COL24A1: variants seen among roughly 807,000 people sequenced by gnomAD.
COL24A1 encodes the protein collagen alpha-1(XXIV) chain.
In COL24A1, 224 loss-of-function variants were observed where a neutral mutation model predicts 253.9. That is an observed-to-expected ratio of 0.88 (90% CI 0.79 to 0.99). The LOEUF (loss-of-function observed/expected upper bound fraction) is 0.99, where lower values mean the gene tolerates loss of function less well. COL24A1 is among the 50% of genes least tolerant of loss of function. The pLI, the probability that COL24A1 is intolerant of heterozygous loss-of-function variation, is 0.00. For missense variants in COL24A1, 2,131 were observed against 2,068.5 expected (o/e 1.03, Z -0.59); for synonymous variants, 685 against 673.7 (o/e 1.02, Z -0.26).
At chr1:85,976,104 A>G (rs1342330732) in intron 20 of COL24A1, among the ~76,000 whole-genome samples, 2 of 152,226 alleles carry the variant, frequency 1.3e-5, no homozygotes, top group African/African-American at 4.8e-5. Flanking sequence ...GACTGAATGC[A>G]AACTCTCTAG....
At chr1:85,832,933 A>G (rs1296190248) in intron 43 of COL24A1, among the ~76,000 whole-genome samples, 3 of 150,890 alleles carry the variant, frequency 2.0e-5, no homozygotes, top group African/African-American at 7.3e-5. Context: ...TCTCCTGCCT[A>G]ATTGCCCTGG....
intron 7 of COL24A1, among the ~76,000 whole-genome samples, chr1:86,080,318 T>C (rs1243655206): frequency 1.3e-5 from 2 of 152,072 alleles, no homozygotes; most frequent in Non-Finnish European, 2.9e-5. Flanking sequence ...GGGAGCATAG[T>C]TAATGAGTAC....
At chr1:86,043,749 A>G (rs573811251) in intron 12 of COL24A1, among the ~76,000 whole-genome samples, 136 of 152,174 alleles carry the variant, frequency 8.9e-4, no homozygotes, top group African/African-American at 3.2e-3. Context: ...GATGGTCTCG[A>G]TCTCTTGATC....
chr1:85,911,285 G>T, intron 25 of COL24A1, 95 bp downstream of exon 25: 1 of 948,486 alleles, frequency 1.1e-6, no homozygotes, highest in Admixed American at 2.1e-5. Context: ...AGTTATAAGT[G>T]ATTTCTAATT....
In COL24A1 at chr1:86,022,955, A is replaced by T. The variant is rs766072625; in HGVS notation, c.2102T>A (p.Met701Lys). Residue 701 changes from methionine (M) to lysine (K), a missense_variant and splice_region_variant, in exon 15 of 60, where the codon ATG becomes AAG. Transcript: ENST00000370571. ...PIGPAGIPGP[M>K]GLSGNKGLPG... ...TCCATTATACAAATAGAACCATACCATTGGGCCAGGAATTCCAGCAGGTCC... is the reference window on the plus strand; with the variant it reads ...TCCATTATACAAATAGAACCATACCTTTGGGCCAGGAATTCCAGCAGGTCC... 1 of 1,613,358 alleles carries T rather than the reference A, an allele frequency of 6.2e-7. No homozygotes were observed. The highest frequency in any genetic ancestry group is 8.5e-7 in the Non-Finnish European group (1 of 1,179,532).
At chr1:86,135,716 G>A (rs1347683354) in intron 2 of COL24A1, among the ~76,000 whole-genome samples, 1 of 151,878 alleles carries the variant, frequency 6.6e-6, no homozygotes, top group Non-Finnish European at 1.5e-5. Flanking sequence ...ACTTTTCCCT[G>A]AGTTCTTTCA....
At chr1:86,085,698 G>A (rs920173089) in intron 7 of COL24A1, among the ~76,000 whole-genome samples, 12 of 152,036 alleles carry the variant, frequency 7.9e-5, no homozygotes, top group African/African-American at 2.7e-4. Flanking sequence ...CTGTTTTTTG[G>A]CAAAAATTCA....
intron 2 of COL24A1, among the ~76,000 whole-genome samples, chr1:86,127,483 T>A (rs964194432): frequency 4.6e-5 from 7 of 152,044 alleles, no homozygotes; most frequent in Non-Finnish European, 1.0e-4. Context: ...TCTGACCAGG[T>A]CTCATATTCA....
intron 43 of COL24A1, among the ~76,000 whole-genome samples, chr1:85,833,369 T>C (rs1406747796): frequency 6.6e-6 from 1 of 152,170 alleles, no homozygotes; most frequent in African/African-American, 2.4e-5. Context: ...GACAAAATGC[T>C]CATCATCACT....
At chr1:86,088,774 G>T (rs1304605146) in intron 7 of COL24A1, among the ~76,000 whole-genome samples, 3 of 152,056 alleles carry the variant, frequency 2.0e-5, no homozygotes, top group African/African-American at 7.2e-5. Context: ...CTCACTTTGG[G>T]CATATAAAAG....
intron 6 of COL24A1, among the ~76,000 whole-genome samples, 172 bp from the exon 7 acceptor site, chr1:86,089,399 A>G (rs981564195): frequency 6.6e-6 from 1 of 152,132 alleles, no homozygotes; most frequent in South Asian, 2.1e-4. Context: ...TATCTCTTCC[A>G]GGGCTTAATA....
intron 12 of COL24A1, among the ~76,000 whole-genome samples, chr1:86,041,723 G>T (rs1276326441): frequency 6.6e-6 from 1 of 151,760 alleles, no homozygotes; most frequent in Non-Finnish European, 1.5e-5. Flanking sequence ...AAAAAATCTG[G>T]CTCACATCAG....
intron 25 of COL24A1, among the ~76,000 whole-genome samples, chr1:85,910,519 C>T (rs1685261822): frequency 6.6e-6 from 1 of 151,848 alleles, no homozygotes; most frequent in Non-Finnish European, 1.5e-5. Flanking sequence ...AACTGATTCA[C>T]ATTAAAATTC....
At position 86,042,196 on chromosome 1, in the gene COL24A1, A is replaced by G. The variant is rs144245940; in HGVS notation, c.1950+4629T>C. Among the ~76,000 whole-genome samples, 11 of 152,260 alleles carry G rather than the reference A, an allele frequency of 7.2e-5. No homozygotes were observed. The East Asian group carries it at 1.9e-3, about 27-fold the overall frequency. ...GTAAGTACTTATGCTAAAATCCTGA[A>G]ATCAAAAATGGCTTAAAATACAAGG... On this transcript the variant is annotated intron_variant, in intron 12 of 59. Coordinates refer to ENST00000370571, the MANE Select transcript of COL24A1 (RefSeq NM_152890.7).
intron 57 of COL24A1, among the ~76,000 whole-genome samples, chr1:85,740,782 CTTA>C (rs1180145364): frequency 1.3e-5 from 2 of 149,420 alleles, no homozygotes; most frequent in East Asian, 2.1e-4. Flanking sequence ...TGCCTTCTCT[CTTA>C]TTATAGTGAA....
intron 7 of COL24A1, among the ~76,000 whole-genome samples, chr1:86,075,612 A>C (rs1347195143): frequency 6.6e-6 from 1 of 152,208 alleles, no homozygotes; most frequent in Non-Finnish European, 1.5e-5. Context: ...TCAGGCCAAT[A>C]TCCTTGATGA....
chr1:86,156,315 C>T (rs41287729), intron 1 of COL24A1, 26 bp downstream of exon 1: 131,005 of 1,606,022 alleles, frequency 0.082, 6,103 homozygotes, highest in East Asian at 0.17. Flanking sequence ...CTAACCCCTA[C>T]CCTACCCGGC....
intron 52 of COL24A1, among the ~76,000 whole-genome samples, chr1:85,779,191 G>T (rs1668904696): frequency 6.6e-6 from 1 of 151,792 alleles, no homozygotes; most frequent in East Asian, 1.9e-4. Flanking sequence ...TTATATGATG[G>T]GGGTCTCACT....
chr1:85,912,954 CTCTT>C (rs1241272970), intron 24 of COL24A1, among the ~76,000 whole-genome samples: 1 of 152,040 alleles, frequency 6.6e-6, no homozygotes, highest in Non-Finnish European at 1.5e-5. Context: ...ATCAGTTCAC[CTCTT>C]TCTTTTTATC....
Sources: allele counts gnomAD v4.1 joint callset (sites outside exome capture counted in the v4.1 genomes callset), GRCh38; gene constraint gnomAD v4.1.1; transcripts MANE v1.5; gene names NCBI Gene and HGNC (gene_info 2026-07-23, HGNC 2026-07-21).